AIG1: variants seen among roughly 807,000 people sequenced by gnomAD.
AIG1 encodes androgen-induced gene 1 protein.
Under a neutral mutation model 31.4 loss-of-function variants are expected in AIG1, and 23 were observed. That is an observed-to-expected ratio of 0.73 (90% CI 0.53 to 1.04). The LOEUF is 1.04. AIG1 is among the 50% of genes least tolerant of loss of function. The pLI is 0.00. For missense variants in AIG1, 274 were observed against 295.0 expected, an observed-to-expected ratio of 0.93 and a Z score of 0.52; for synonymous variants, 100 against 110.5, an observed-to-expected ratio of 0.90 and a Z score of 0.60.
At chr6:143,118,628 T>C (rs1441272688) in intron 1 of AIG1, among the ~76,000 whole-genome samples, 1 of 152,230 alleles carries the variant, frequency 6.6e-6, no homozygotes, top group East Asian at 1.9e-4. Flanking sequence ...CAATCACTTA[T>C]GTGTAGAGAA....
intron 3 of AIG1, among the ~76,000 whole-genome samples, chr6:143,218,440 CAT>C (rs544039750): frequency 4.5e-4 from 68 of 152,308 alleles, no homozygotes; most frequent in African/African-American, 1.5e-3. Flanking sequence ...AATAAAATAT[CAT>C]ATGTTTCCCA....
At chr6:143,182,869 C>T (rs1583441753) in intron 3 of AIG1, among the ~76,000 whole-genome samples, 1 of 152,152 alleles carries the variant, frequency 6.6e-6, no homozygotes, top group East Asian at 1.9e-4. Flanking sequence ...CATTCATTCT[C>T]TCCTCCCCTT....
chr6:143,076,635 C>A (rs1777750704), intron 1 of AIG1, among the ~76,000 whole-genome samples: 1 of 151,080 alleles, frequency 6.6e-6, no homozygotes, highest in Admixed American at 6.6e-5. Context: ...TTTTTTGTTC[C>A]CCCACCTCCA....
intron 3 of AIG1, among the ~76,000 whole-genome samples, chr6:143,277,193 T>A (rs557592382): frequency 1.3e-5 from 2 of 152,336 alleles, no homozygotes; most frequent in East Asian, 3.9e-4. Context: ...AAAAATGTTC[T>A]CATTTTTAAT....
At chr6:143,300,692 A>C (rs1483343256) in intron 4 of AIG1, among the ~76,000 whole-genome samples, 1 of 152,234 alleles carries the variant, frequency 6.6e-6, no homozygotes, top group Non-Finnish European at 1.5e-5. Context: ...GAAAGTCTTG[A>C]TTTTTATAGC....
chr6:143,237,840 A>G (rs1793928309), intron 3 of AIG1, among the ~76,000 whole-genome samples: 1 of 152,242 alleles, frequency 6.6e-6, no homozygotes, highest in East Asian at 1.9e-4. Context: ...TTGAAAACGT[A>G]GAAGTCTGTT....
At chr6:143,102,467 T>A (rs1780376523) in intron 1 of AIG1, among the ~76,000 whole-genome samples, 1 of 147,068 alleles carries the variant, frequency 6.8e-6, no homozygotes, top group African/African-American at 2.5e-5. Flanking sequence ...TATATATATA[T>A]ATATAAAATA....
At chr6:143,118,477 C>T (rs1781935038) in intron 1 of AIG1, among the ~76,000 whole-genome samples, 1 of 151,054 alleles carries the variant, frequency 6.6e-6, no homozygotes, top group African/African-American at 2.4e-5. Flanking sequence ...AAAAAAATCA[C>T]TAAAATGGAT....
chr6:143,228,461 A>G (rs1793188221), intron 3 of AIG1, among the ~76,000 whole-genome samples: 3 of 152,192 alleles, frequency 2.0e-5, no homozygotes, highest in South Asian at 4.1e-4. Context: ...TGTGTGTGGG[A>G]CAGGCACCAT....
At chr6:143,086,623 C>G (rs1778810604) in intron 1 of AIG1, among the ~76,000 whole-genome samples, 1 of 152,044 alleles carries the variant, frequency 6.6e-6, no homozygotes, top group Non-Finnish European at 1.5e-5. Flanking sequence ...AGCCTAGGGC[C>G]CTAAGGACAC....
intron 1 of AIG1, among the ~76,000 whole-genome samples, chr6:143,091,049 A>C (rs182745876): frequency 7.9e-5 from 12 of 152,282 alleles, no homozygotes; most frequent in African/African-American, 2.6e-4. Flanking sequence ...ACAGGTGTAG[A>C]TTCCATTTCA....
chr6:143,257,497 G>A (rs1240973352), intron 3 of AIG1, among the ~76,000 whole-genome samples: 2 of 152,198 alleles, frequency 1.3e-5, no homozygotes, highest in African/African-American at 4.8e-5. Flanking sequence ...ATTTTTGTAT[G>A]TGTATATGTG....
At chr6:143,145,535 A>G (rs920307102) in intron 2 of AIG1, among the ~76,000 whole-genome samples, 7 of 152,152 alleles carry the variant, frequency 4.6e-5, no homozygotes, top group African/African-American at 1.7e-4. Flanking sequence ...TGAAGAGATT[A>G]TTCCCAGAAG....
chr6:143,100,164 C>A (rs1051805908), intron 1 of AIG1, among the ~76,000 whole-genome samples: 1 of 152,182 alleles, frequency 6.6e-6, no homozygotes, highest in African/African-American at 2.4e-5. Flanking sequence ...GTTTTTGGCC[C>A]TGCTTGTGCT....
chr6:143,324,547 G>A (rs1246417025), intron 4 of AIG1, among the ~76,000 whole-genome samples: 1 of 152,150 alleles, frequency 6.6e-6, no homozygotes, highest in Non-Finnish European at 1.5e-5. Flanking sequence ...TGGCATCCAG[G>A]CTGAACACTA....
At chr6:143,117,929 G>GT (rs1437886382) in intron 1 of AIG1, among the ~76,000 whole-genome samples, 1 of 152,102 alleles carries the variant, frequency 6.6e-6, no homozygotes, top group Non-Finnish European at 1.5e-5. Context: ...AAAATTGAAG[G>GT]TTTTTTCCTA....
chr6:143,225,854 G>A (rs1792906397), intron 3 of AIG1, among the ~76,000 whole-genome samples: 2 of 152,116 alleles, frequency 1.3e-5, no homozygotes, highest in Non-Finnish European at 2.9e-5. Context: ...AGGCGAATTT[G>A]TATATATTTT....
At chr6:143,066,275 A>G (rs1304074793) in intron 1 of AIG1, among the ~76,000 whole-genome samples, 2 of 148,076 alleles carry the variant, frequency 1.4e-5, no homozygotes, top group African/African-American at 5.2e-5. Flanking sequence ...AATTCTGCCT[A>G]TTTTCTTTGT....
intron 3 of AIG1, among the ~76,000 whole-genome samples, chr6:143,195,127 T>G (rs1040142569): frequency 5.9e-5 from 9 of 152,114 alleles, no homozygotes; most frequent in Admixed American, 5.9e-4. Flanking sequence ...GGTGGAGAAG[T>G]GAAGAACTCT....
Sources: allele counts gnomAD v4.1 joint callset (sites outside exome capture counted in the v4.1 genomes callset), GRCh38; gene constraint gnomAD v4.1.1; transcripts MANE v1.5; gene names NCBI Gene and HGNC (gene_info 2026-07-23, HGNC 2026-07-21).